SVBP: variants seen among roughly 807,000 people sequenced by gnomAD.
The protein encoded by SVBP is small vasohibin-binding protein.
SVBP carries 9 observed loss-of-function variants against 9.2 expected under a neutral mutation model. The ratio of observed to expected loss-of-function variants is 0.98; its 90% CI spans 0.59 to 1.71. The LOEUF (loss-of-function observed/expected upper bound fraction) is 1.71, where lower values mean the gene tolerates loss of function less well. Among genes scored for constraint, SVBP ranks in the 40% most tolerant of loss-of-function variants. The pLI is 0.00. For missense variants in SVBP, 63 were observed against 73.2 expected, an observed-to-expected ratio of 0.86 and a Z score of 0.51; for synonymous variants, 27 against 23.9, an observed-to-expected ratio of 1.13 and a Z score of -0.37.
chr1:42,808,137 GTGTGTGTGTGTGTATATA>G (rs1292992326), intron 2 of SVBP, among the ~76,000 whole-genome samples: 52 of 36,084 alleles, frequency 1.4e-3, no homozygotes, highest in South Asian at 6.3e-3. Context: ...TGAATATAGT[GTGTGTGTGTGTGTATATA>G]TATATATATA....
chr1:42,807,604 G>A, intron 2 of SVBP, 104 bp from the exon 3 acceptor site: 4 of 836,162 alleles, frequency 4.8e-6, no homozygotes, highest in South Asian at 1.4e-5. Flanking sequence ...AATTTCACCA[G>A]TAGTGGTAAT....
In SVBP at chr1:42,816,514, T is replaced by C. The variant is rs1457493028; in HGVS notation, c.31A>G (p.Lys11Glu). The change falls in exon 2 of 3, where the codon AAA becomes GAA. Residue 11 changes from lysine to glutamate, a missense_variant. Coordinates refer to ENST00000372521, the MANE Select transcript of SVBP (RefSeq NM_199342.4). The stretch of plus-strand genomic sequence containing the variant: ...ACTCTGCTGACAGATTCTTTAACTT[T>C]GGTTTTTTCTTTACGTGCAGGTGGA... MDPPARKEKT[K>E]VKESVSRVEK... 7 of 1,614,188 alleles carry C rather than the reference T, an allele frequency of 4.3e-6. No homozygotes were observed. Among genetic ancestry groups the C allele is most frequent in the Non-Finnish European group, 5.9e-6 (7 of 1,180,004 alleles).
At chr1:42,812,704 G>GA (rs1415681380) in intron 2 of SVBP, among the ~76,000 whole-genome samples, 2 of 152,088 alleles carry the variant, frequency 1.3e-5, no homozygotes, top group African/African-American at 2.4e-5. Context: ...TTCTTGCTCT[G>GA]AAAAAATAAT....
At chr1:42,807,537 A>C in intron 2 of SVBP, 37 bp from the exon 3 acceptor site, 1 of 1,493,710 alleles carries the variant, frequency 6.7e-7, no homozygotes, top group Non-Finnish European at 9.3e-7. Context: ...TTAGCAATGG[A>C]AGCAGCTGCA....
At chr1:42,816,325 C>T (rs1654206300) in intron 2 of SVBP, 106 bp downstream of exon 2, 1 of 823,568 alleles carries the variant, frequency 1.2e-6, no homozygotes, top group Non-Finnish European at 2.0e-6. Flanking sequence ...CCCATCCTGC[C>T]TGGAGGCAAG....
chr1:42,808,186 A>C (rs1654007141), intron 2 of SVBP, among the ~76,000 whole-genome samples: 1 of 117,408 alleles, frequency 8.5e-6, no homozygotes. Context: ...TATACATACT[A>C]TGTATAGTAT....
intron 2 of SVBP, among the ~76,000 whole-genome samples, chr1:42,811,743 G>C (rs1654088773): frequency 1.3e-5 from 2 of 152,248 alleles, no homozygotes; most frequent in Middle Eastern, 3.4e-3. Flanking sequence ...GTTCAGAGAG[G>C]TTAAGTATCT....
chr1:42,815,924 T>C (rs887753022), intron 2 of SVBP, among the ~76,000 whole-genome samples: 4 of 152,212 alleles, frequency 2.6e-5, no homozygotes, highest in Non-Finnish European at 4.4e-5. Flanking sequence ...CATTAAATAC[T>C]AAAATAAAAT....
chr1:42,816,235 CA>C, intron 2 of SVBP, 195 bp downstream of exon 2: 1 of 520,062 alleles, frequency 1.9e-6, no homozygotes, highest in Non-Finnish European at 3.4e-6. Context: ...GGGGTTCTGA[CA>C]CTAACTTGGC....
At chr1:42,810,016 C>T (rs928315335) in intron 2 of SVBP, among the ~76,000 whole-genome samples, 1 of 151,924 alleles carries the variant, frequency 6.6e-6, no homozygotes, top group Admixed American at 6.6e-5. Context: ...GTACACAAAG[C>T]TTCCCAGTTA....
intron 2 of SVBP, among the ~76,000 whole-genome samples, chr1:42,811,031 C>G (rs1654071305): frequency 6.6e-6 from 1 of 152,040 alleles, no homozygotes. Context: ...CCCAGCTACT[C>G]AGGAGGCTGA....
chr1:42,816,752 A>T (rs1654222398), intron 1 of SVBP, 172 bp from the exon 2 acceptor site: 2 of 517,866 alleles, frequency 3.9e-6, no homozygotes, highest in Non-Finnish European at 6.8e-6. Context: ...CAAGGCCACA[A>T]CCTCGCTGGG....
At chr1:42,815,898 G>C (rs1049021256) in intron 2 of SVBP, among the ~76,000 whole-genome samples, 1 of 152,186 alleles carries the variant, frequency 6.6e-6, no homozygotes, top group African/African-American at 2.4e-5. Flanking sequence ...AAAGAGACCA[G>C]CAAGATTTTC....
Position 42,807,343 on chromosome 1 carries a change from G to T in SVBP, c.*71C>A. 9.3e-7 allele frequency: 1 copy of T among 1,079,456 alleles called. No individual in the cohort carries two copies. Among genetic ancestry groups the T allele is most frequent in the Non-Finnish European group, 1.4e-6 (1 of 695,548 alleles). 66.9% of individuals were successfully genotyped at this position (1,079,456 alleles called of 1,614,324 possible). On this transcript the variant is annotated 3_prime_UTR_variant, in exon 3 of 3. Transcript: ENST00000372521. ...TCTAGTTCTGTAAGGCTCCAAATGG[G>T]CCATCTCAGCTTAAAACTGGCAACA...
In SVBP at chr1:42,809,789, T is replaced by C. The variant is rs909923035; in HGVS notation, c.115-2289A>G. Among the ~76,000 whole-genome samples the C allele has an allele frequency of 3.9e-5, 6 of 152,174 alleles. No homozygotes were observed. The East Asian group carries it at 1.2e-3, about 29-fold the overall frequency. On this transcript the variant is annotated intron_variant, in intron 2 of 2. Transcript: ENST00000372521. ...TATATTTTACCATAATAAAAATAAATAAACTTGAATGGTTAAAAAAAGGCT... is the reference window on the plus strand; with the variant it reads ...TATATTTTACCATAATAAAAATAAACAAACTTGAATGGTTAAAAAAAGGCT...
Position 42,807,153 on chromosome 1 carries a change from G to GTT in SVBP, c.*259_*260dup, listed in dbSNP as rs142694785. On this transcript the variant is annotated 3_prime_UTR_variant, in exon 3 of 3. Coordinates refer to ENST00000372521, the MANE Select transcript of SVBP (RefSeq NM_199342.4). ...AATAGAAAAAGTGTTTTTTGTGTGT[G>GTT]TTTTTTTTTTTTTTTTAAAAAAACC... 0.012 allele frequency: 2,216 copies of GTT among 180,250 alleles called. 2 individuals are homozygous for GTT. The highest frequency in any genetic ancestry group is 0.031 in the East Asian group (388 of 12,612). The allele number at this position is 180,250 out of a possible 1,614,324, so 11.2% of individuals were successfully genotyped here.
chr1:42,816,741 C>T (rs1386893022), intron 1 of SVBP, 161 bp from the exon 2 acceptor site: 3 of 537,356 alleles, frequency 5.6e-6, no homozygotes, highest in Admixed American at 3.5e-5. Context: ...GAACCGAGTC[C>T]CAAGGCCACA....
At chr1:42,813,844 T>A (rs1654132862) in intron 2 of SVBP, 2 of 352,148 alleles carry the variant, frequency 5.7e-6, no homozygotes, top group Non-Finnish European at 1.1e-5. Flanking sequence ...TCATATCATC[T>A]GAGGACCCGG....
At chr1:42,815,367 TAATAAAA>T (rs918313593) in intron 2 of SVBP, among the ~76,000 whole-genome samples, 22 of 144,598 alleles carry the variant, frequency 1.5e-4, no homozygotes, top group Admixed American at 4.9e-4. Flanking sequence ...TAAAGTATAA[TAATAAAA>T]AATAAAAAAT....
Sources: allele counts gnomAD v4.1 joint callset (sites outside exome capture counted in the v4.1 genomes callset), GRCh38; gene constraint gnomAD v4.1.1; transcripts MANE v1.5; gene names NCBI Gene and HGNC (gene_info 2026-07-23, HGNC 2026-07-21).